Variants in PIK3C2G observed in about 807,000 individuals in gnomAD.
PIK3C2G encodes the protein phosphatidylinositol 3-kinase C2 domain-containing subunit gamma.
PIK3C2G carries 168 observed loss-of-function variants against 181.1 expected under a neutral mutation model. The observed-to-expected ratio is 0.93, with a 90% confidence interval of 0.82 to 1.05. The LOEUF (loss-of-function observed/expected upper bound fraction) is 1.05, where lower values mean the gene tolerates loss of function less well. Ranked by LOEUF, PIK3C2G falls within the 50% of genes least tolerant of loss-of-function variation. PIK3C2G has a pLI of 0.00. For synonymous variants in PIK3C2G, 573 were observed against 592.2 expected (o/e 0.97, Z 0.47); for missense variants, 1,869 against 1,732.8 (o/e 1.08, Z -1.40).
At chr12:18,353,628 C>T (rs56218806) in intron 11 of PIK3C2G, among the ~76,000 whole-genome samples, 17,616 of 152,148 alleles carry the variant, frequency 0.12, 1,379 homozygotes, top group Admixed American at 0.25. Context: ...CCCATCTCTA[C>T]TGTAAAAACC....
At chr12:18,510,697 TTTG>T (rs1942149333) in intron 24 of PIK3C2G, among the ~76,000 whole-genome samples, 1 of 152,144 alleles carries the variant, frequency 6.6e-6, no homozygotes, top group Admixed American at 6.5e-5. Flanking sequence ...GTGTTTTTGT[TTTG>T]TTTTTATTTT....
the PIK3C2G span, chr12:18,723,606 G>T: frequency 8.4e-7 from 1 of 1,189,144 alleles, no homozygotes; most frequent in Non-Finnish European, 1.2e-6. Flanking sequence ...ATGAATATTA[G>T]AGTATTTATG....
At chr12:18,412,839 T>G (rs1944944057) in intron 16 of PIK3C2G, among the ~76,000 whole-genome samples, 1 of 152,122 alleles carries the variant, frequency 6.6e-6, no homozygotes, top group Non-Finnish European at 1.5e-5. Context: ...ACCTCCACCT[T>G]GAGCTGGAGA....
intron 24 of PIK3C2G, among the ~76,000 whole-genome samples, chr12:18,528,546 A>C (rs1943371088): frequency 1.3e-5 from 2 of 152,198 alleles, no homozygotes; most frequent in South Asian, 4.1e-4. Flanking sequence ...TTTGGGATTT[A>C]AGCTTGCATA....
the PIK3C2G span, among the ~76,000 whole-genome samples, chr12:18,674,202 C>T: frequency 6.6e-6 from 1 of 152,148 alleles, no homozygotes; most frequent in Non-Finnish European, 1.5e-5. Context: ...CCATTCATTG[C>T]ACCTTTTAAA....
intron 30 of PIK3C2G, among the ~76,000 whole-genome samples, chr12:18,600,063 ATAAAG>A (rs1331033177): frequency 3.3e-5 from 5 of 152,046 alleles, no homozygotes; most frequent in African/African-American, 9.7e-5. Context: ...TTATAGAAAA[ATAAAG>A]TAGTCAATAA....
rs115799923 is a variant in PIK3C2G at position 18,440,584 on chromosome 12, C to A, written c.2504+16545C>A. Among the ~76,000 whole-genome samples, 1,069 of 151,916 alleles carry A rather than the reference C, an allele frequency of 7.0e-3. 6 individuals carry two copies. Among genetic ancestry groups the A allele is most frequent in the African/African-American group, 0.019 (785 of 41,438 alleles). Reference sequence around the variant, plus strand: ...CCTATGTATCTGAAGGAAGAGGATGCCAGGAAGAAGTAATAGCGTGTGCAA... The same window carrying A: ...CCTATGTATCTGAAGGAAGAGGATGACAGGAAGAAGTAATAGCGTGTGCAA... On this transcript the variant is annotated intron_variant, in intron 18 of 32. Coordinates refer to ENST00000538779, the MANE Select transcript of PIK3C2G (RefSeq NM_001288772.2).
intron 13 of PIK3C2G, among the ~76,000 whole-genome samples, chr12:18,374,201 G>GC (rs1326822739): frequency 1.3e-5 from 2 of 152,148 alleles, no homozygotes; most frequent in Non-Finnish European, 2.9e-5. Flanking sequence ...CCTGGCCTGA[G>GC]CACCAGTATT....
At chr12:18,723,096 C>T in the PIK3C2G span, among the ~76,000 whole-genome samples, 1 of 151,876 alleles carries the variant, frequency 6.6e-6, no homozygotes, top group Non-Finnish European at 1.5e-5. Context: ...AGGAGCTGAA[C>T]AATGTATAGG....
At chr12:18,398,014 G>A (rs1382453919) in intron 15 of PIK3C2G, among the ~76,000 whole-genome samples, 3 of 151,990 alleles carry the variant, frequency 2.0e-5, no homozygotes, top group Non-Finnish European at 4.4e-5. Flanking sequence ...AGTGAAAGAA[G>A]CCATAAATAA....
chr12:18,595,519 G>A (rs537608289), intron 30 of PIK3C2G, among the ~76,000 whole-genome samples: 1 of 152,206 alleles, frequency 6.6e-6, no homozygotes, highest in South Asian at 2.1e-4. Context: ...CTAAATCTGG[G>A]AGATACTAAT....
In PIK3C2G at chr12:18,367,988, AAGAG is replaced by A. The variant is rs1941761147; in HGVS notation, c.1749-3185_1749-3182del. On this transcript the variant is annotated intron_variant, in intron 12 of 32. Coordinates refer to ENST00000538779, the MANE Select transcript of PIK3C2G (RefSeq NM_001288772.2). Reference sequence around the variant, plus strand: ...TACCTTCTTCACCAGGTGGCAGGAAAAGAGAGAGAGCAGGAGAAGCTGCCACTTA... The same window carrying A: ...TACCTTCTTCACCAGGTGGCAGGAAAAGAGAGCAGGAGAAGCTGCCACTTA... Among the ~76,000 whole-genome samples the A allele has an allele frequency of 2.0e-5, 3 of 152,266 alleles. No homozygotes were observed. The South Asian group carries it at 6.2e-4, about 32-fold the overall frequency.
rs1267199088 is a variant in PIK3C2G, at chr12:18,314,023, C to A, written c.1096C>A (p.Leu366Met). 2 of 1,588,886 alleles carry A rather than the reference C, an allele frequency of 1.3e-6. No individual in the cohort carries two copies. Among genetic ancestry groups the A allele is most frequent in the Non-Finnish European group, 1.7e-6 (2 of 1,166,130 alleles). Reference protein sequence around the residue: ...QKDKSVIQLHLQKSREAPGKL... With the variant: ...QKDKSVIQLHMQKSREAPGKL... ...AGATAAATCTGTTATTCAGCTCCAC[C>A]TGCAGAAAAGTAGGGAAGCTCCAGG... Residue 366 changes from leucine to methionine, a missense_variant, in exon 6 of 33, where the codon CTG (leucine) becomes ATG (methionine). Coordinates refer to ENST00000538779, the MANE Select transcript of PIK3C2G (RefSeq NM_001288772.2).
chr12:18,602,863 A>T (rs1003038476), intron 30 of PIK3C2G, among the ~76,000 whole-genome samples: 1 of 152,194 alleles, frequency 6.6e-6, no homozygotes, highest in Non-Finnish European at 1.5e-5. Flanking sequence ...GGACAAAAAA[A>T]TCTGAACAAC....
chr12:18,261,406 G>C (rs1467959652), upstream of PIK3C2G: 1 of 151,640 alleles, frequency 6.6e-6, no homozygotes, highest in Non-Finnish European at 1.5e-5. Flanking sequence ...AACCCTTCAG[G>C]GTTTGATGGA....
At chr12:18,701,985 A>C in the PIK3C2G span, among the ~76,000 whole-genome samples, 2 of 152,198 alleles carry the variant, frequency 1.3e-5, no homozygotes, top group South Asian at 2.1e-4. Context: ...CCAAAAAATA[A>C]GCCTGTTATG....
At chr12:18,441,399 C>A (rs1038035424) in intron 18 of PIK3C2G, among the ~76,000 whole-genome samples, 2 of 152,166 alleles carry the variant, frequency 1.3e-5, no homozygotes, top group South Asian at 2.1e-4. Flanking sequence ...AGTGTTGCTT[C>A]TTTGCTTTTA....
At chr12:18,322,806 C>T (rs1314025882) in intron 7 of PIK3C2G, among the ~76,000 whole-genome samples, 1 of 152,134 alleles carries the variant, frequency 6.6e-6, no homozygotes, top group African/African-American at 2.4e-5. Flanking sequence ...TAGACATAAT[C>T]TAATACAAAT....
the PIK3C2G span, among the ~76,000 whole-genome samples, chr12:18,711,081 A>C: frequency 1.3e-5 from 2 of 152,100 alleles, no homozygotes; most frequent in African/African-American, 4.8e-5. Context: ...AGACATATGC[A>C]CATATATGTT....
Sources: gnomAD v4.1 joint callset for allele counts (sites outside exome capture counted in the v4.1 genomes callset) on GRCh38, gnomAD v4.1.1 for gene constraint, MANE v1.5 for transcripts, NCBI Gene and HGNC (gene_info 2026-07-23, HGNC 2026-07-21) for gene names.